FAM117A: variants seen among roughly 807,000 people sequenced by gnomAD.
The protein encoded by FAM117A is protein FAM117A.
In FAM117A, 21 loss-of-function variants were observed where a neutral mutation model predicts 44.1. That is an observed-to-expected ratio of 0.48 (90% CI 0.34 to 0.69). The LOEUF (loss-of-function observed/expected upper bound fraction) is 0.69, where lower values mean the gene tolerates loss of function less well. Ranked by LOEUF, FAM117A falls within the 30% of genes least tolerant of loss-of-function variation. FAM117A has a pLI of 0.01. For synonymous variants in FAM117A, 220 were observed against 238.3 expected (o/e 0.92, Z 0.71); for missense variants, 498 against 589.9 (o/e 0.84, Z 1.61).
At chr17:49,743,400 G>T (rs866908127) in intron 1 of FAM117A, among the ~76,000 whole-genome samples, 1 of 151,890 alleles carries the variant, frequency 6.6e-6, no homozygotes, top group Non-Finnish European at 1.5e-5. Context: ...GCTTGAGACC[G>T]ACCTGGGCAA....
chr17:49,719,989 A>C (rs1430670942), intron 4 of FAM117A, 95 bp from the exon 5 acceptor site: 17 of 1,467,502 alleles, frequency 1.2e-5, no homozygotes, highest in Middle Eastern at 1.7e-4. Flanking sequence ...TCCACACAGC[A>C]GAACTGAGTG....
chr17:49,721,445 C>T (rs1431962789), intron 3 of FAM117A, among the ~76,000 whole-genome samples: 1 of 152,194 alleles, frequency 6.6e-6, no homozygotes, highest in East Asian at 1.9e-4. Flanking sequence ...TACCACATCT[C>T]CCCATTCTTA....
rs986661840 is a variant in FAM117A at position 49,710,897 on chromosome 17, T to A, written c.*358A>T. 2.1e-5 allele frequency: 4 copies of A among 186,922 alleles called. No homozygotes were observed. Among genetic ancestry groups the A allele is most frequent in the African/African-American group, 9.4e-5 (4 of 42,422 alleles). 11.6% of individuals were successfully genotyped at this position (186,922 alleles called of 1,614,324 possible). A position where few individuals can be genotyped will look rare whatever the true frequency, so the allele number is the denominator to read the frequency against. On this transcript the variant is annotated 3_prime_UTR_variant, in exon 8 of 8. Coordinates refer to ENST00000240364, the MANE Select transcript of FAM117A (RefSeq NM_030802.4). The stretch of plus-strand genomic sequence containing the variant: ...ATCTGTGGCGTCTTCTCTCCTTCGT[T>A]CATGGCCAGCTTGCTCTGTGACAAA...
chr17:49,720,047 A>G, intron 4 of FAM117A, 153 bp from the exon 5 acceptor site: 1 of 1,115,124 alleles, frequency 9.0e-7, no homozygotes, highest in Non-Finnish European at 1.2e-6. Context: ...AGGTCCACTC[A>G]GGGCAGTTTT....
Position 49,711,176 on chromosome 17 carries a change from C to T in FAM117A, c.*79G>A, listed in dbSNP as rs577252152. The T allele has an allele frequency of 2.9e-6, 4 of 1,387,566 alleles. No homozygotes were observed. Among genetic ancestry groups the T allele is most frequent in the East Asian group, 2.3e-5 (1 of 43,038 alleles). 86.0% of individuals were successfully genotyped at this position (1,387,566 alleles called of 1,614,324 possible). A position where few individuals can be genotyped will look rare whatever the true frequency, so the allele number is the denominator to read the frequency against. Reference sequence around the variant, plus strand: ...GCCGAGAGGGAAGGGCCCCTCCATACCCCATCTCAGGGGACCTGGGGAGGG... The same window carrying T: ...GCCGAGAGGGAAGGGCCCCTCCATATCCCATCTCAGGGGACCTGGGGAGGG... On this transcript the variant is annotated 3_prime_UTR_variant, in exon 8 of 8. Transcript: ENST00000240364.
Position 49,711,943 on chromosome 17 carries a change from G to A in FAM117A, c.1062-388C>T, listed in dbSNP as rs146232414. Among the ~76,000 whole-genome samples the A allele has an allele frequency of 7.2e-3, 1,091 of 152,276 alleles. 9 individuals carry two copies. The highest frequency in any genetic ancestry group is 0.024 in the African/African-American group (993 of 41,554). On this transcript the variant is annotated intron_variant, in intron 7 of 7. Coordinates refer to ENST00000240364, the MANE Select transcript of FAM117A (RefSeq NM_030802.4). Reference sequence around the variant, plus strand: ...ATGGATCACTTGAGGTCAGGAGTTCGAGACCAGCCTGGCCGACATGGTGAA... The same window carrying A: ...ATGGATCACTTGAGGTCAGGAGTTCAAGACCAGCCTGGCCGACATGGTGAA...
At chr17:49,771,989 G>A (rs1361146850) in intron 1 of FAM117A, among the ~76,000 whole-genome samples, 4 of 152,072 alleles carry the variant, frequency 2.6e-5, no homozygotes, top group African/African-American at 9.7e-5. Context: ...CACCAAATCA[G>A]GCAACAAGTA....
chr17:49,778,548 G>A (rs2073781172), intron 1 of FAM117A, among the ~76,000 whole-genome samples: 2 of 152,130 alleles, frequency 1.3e-5, no homozygotes, highest in South Asian at 4.1e-4. Flanking sequence ...TACTTTCCCC[G>A]ACTCTGATAT....
chr17:49,763,977 G>C lies in FAM117A; in HGVS notation c.111C>G (p.Pro37=). 1.6e-6 allele frequency: 2 copies of C among 1,228,396 alleles called. No homozygotes were observed. The highest frequency in any genetic ancestry group is 4.1e-5 in the South Asian group (1 of 24,616). The allele number at this position is 1,228,396 out of a possible 1,614,324, so 76.1% of individuals were successfully genotyped here. ...GCSPPAPAGS[P]RAGLQPLRAT... is the part of the protein sequence containing the mutation. ...CCCTGAGCGGCTGCAGCCCAGCCCGGGGGGAGCCGGCGGGGGCTGGGGGAG... is the reference window on the plus strand; with the variant it reads ...CCCTGAGCGGCTGCAGCCCAGCCCGCGGGGAGCCGGCGGGGGCTGGGGGAG... Residue 37 remains proline (P), a synonymous_variant, in exon 1 of 8, where the codon CCC becomes CCG. Transcript: ENST00000240364.
chr17:49,787,105 G>C (rs896420065), intron 1 of FAM117A, among the ~76,000 whole-genome samples: 9 of 152,068 alleles, frequency 5.9e-5, no homozygotes, highest in Non-Finnish European at 1.2e-4. Flanking sequence ...AAAGAAGAGA[G>C]AGAAAAAAAG....
Position 49,722,601 on chromosome 17 carries a change from G to A in FAM117A, c.367-7C>T, listed in dbSNP as rs1245572835. 1.9e-6 allele frequency: 3 copies of A among 1,612,404 alleles called. No individual in the cohort carries two copies. In the African/African-American group the frequency reaches 4.0e-5, roughly 22 times the overall value. Reference sequence around the variant, plus strand: ...CTTGCCAGGACAGGGGCGTCTGCAGGGAGAGAAACACAGTGAGACACAGCA... The same window carrying A: ...CTTGCCAGGACAGGGGCGTCTGCAGAGAGAGAAACACAGTGAGACACAGCA... On this transcript the variant is annotated splice_region_variant and splice_polypyrimidine_tract_variant and intron_variant, in intron 2 of 7. Transcript: ENST00000240364.
At chr17:49,763,765 G>T (rs2073732899) in intron 1 of FAM117A, 127 bp downstream of exon 1, 2 of 443,148 alleles carry the variant, frequency 4.5e-6, no homozygotes, top group Non-Finnish European at 7.0e-6. Context: ...GACTCTGAAC[G>T]CCCCCTTTCT....
At chr17:49,728,129 G>A (rs958412571) in intron 2 of FAM117A, among the ~76,000 whole-genome samples, 6 of 152,212 alleles carry the variant, frequency 3.9e-5, no homozygotes, top group African/African-American at 1.4e-4. Context: ...TCAAATGTTT[G>A]GTACTTTTGT....
At chr17:49,741,303 C>T (rs2073633348) in intron 1 of FAM117A, among the ~76,000 whole-genome samples, 3 of 152,104 alleles carry the variant, frequency 2.0e-5, no homozygotes, top group Admixed American at 2.0e-4. Flanking sequence ...TTTTTGATCT[C>T]ACCTCTCCCC....
intron 7 of FAM117A, among the ~76,000 whole-genome samples, chr17:49,713,571 A>G (rs1231895154): frequency 6.6e-6 from 1 of 151,714 alleles, no homozygotes; most frequent in Non-Finnish European, 1.5e-5. Context: ...CAGTGGTGCA[A>G]TCTTGGCTCA....
chr17:49,772,611 G>C (rs1220640235), intron 1 of FAM117A, among the ~76,000 whole-genome samples: 3 of 151,984 alleles, frequency 2.0e-5, no homozygotes, highest in Non-Finnish European at 4.4e-5. Flanking sequence ...AATTAGCCGG[G>C]TGTGGTGGTG....
intron 1 of FAM117A, among the ~76,000 whole-genome samples, chr17:49,762,731 CG>C (rs1302607356): frequency 1.3e-5 from 2 of 152,176 alleles, no homozygotes; most frequent in Non-Finnish European, 2.9e-5. Flanking sequence ...GTAGAGGCTC[CG>C]GCTTTGGAAG....
chr17:49,751,576 C>T (rs569156063), intron 1 of FAM117A, among the ~76,000 whole-genome samples: 29 of 151,294 alleles, frequency 1.9e-4, no homozygotes, highest in African/African-American at 7.0e-4. Flanking sequence ...GAGACTCGGT[C>T]TCAAAAATAA....
chr17:49,716,398 G>A (rs1276986435), intron 6 of FAM117A, 83 bp from the exon 7 acceptor site: 33 of 1,258,324 alleles, frequency 2.6e-5, no homozygotes, highest in Middle Eastern at 2.0e-4. Context: ...GTGTAAAGTG[G>A]CAAGGCTGGG....
Sources: allele counts gnomAD v4.1 joint callset (sites outside exome capture counted in the v4.1 genomes callset), GRCh38; gene constraint gnomAD v4.1.1; transcripts MANE v1.5; gene names NCBI Gene and HGNC (gene_info 2026-07-23, HGNC 2026-07-21).